Variants in USP42 observed in about 807,000 individuals in gnomAD.
USP42 encodes ubiquitin specific peptidase 42.
A neutral mutation model predicts 113.0 loss-of-function variants in USP42; 23 were observed. The observed-to-expected ratio is 0.20, with a 90% CI of 0.15 to 0.29. The LOEUF is 0.29. USP42 is among the 10% of genes least tolerant of loss of function. The pLI is 1.00. For synonymous variants in USP42, 933 were observed against 699.0 expected (o/e 1.33, Z -5.28); for missense variants, 2,174 against 1,779.8 (o/e 1.22, Z -3.99).
chr7:6,111,696 G>A (rs1017239713), intron 2 of USP42: 11 of 178,826 alleles, frequency 6.2e-5, no homozygotes, highest in Non-Finnish European at 1.2e-4. Flanking sequence ...TCTGCCTCCC[G>A]GGTTCAGGAC....
chr7:6,087,765 G>A, the USP42 span, among the ~76,000 whole-genome samples: 319 of 150,858 alleles, frequency 2.1e-3, 17 homozygotes, highest in African/African-American at 7.4e-3. Flanking sequence ...TTTTATTCTC[G>A]TTTTTGCATA....
intron 2 of USP42, among the ~76,000 whole-genome samples, chr7:6,113,707 C>T (rs1277779612): frequency 1.3e-5 from 2 of 152,116 alleles, no homozygotes; most frequent in South Asian, 2.1e-4. Context: ...CTGCAACCTC[C>T]GCCTCCCGGG....
the USP42 span, among the ~76,000 whole-genome samples, chr7:6,086,947 C>T: frequency 6.7e-6 from 1 of 149,198 alleles, no homozygotes; most frequent in East Asian, 2.0e-4. Context: ...AGGCTTGTCT[C>T]GAACTCCTGA....
intron 3 of USP42, among the ~76,000 whole-genome samples, chr7:6,135,108 C>A (rs760814900): frequency 6.6e-6 from 1 of 152,110 alleles, no homozygotes; most frequent in Non-Finnish European, 1.5e-5. Flanking sequence ...GATGTCTCAT[C>A]CCTGCTGTGG....
rs961083620 is a variant in USP42, at chr7:6,154,453, A to G, written c.2899A>G (p.Arg967Gly). 6 of 1,564,922 alleles carry G rather than the reference A, an allele frequency of 3.8e-6. No homozygotes were observed. The highest frequency in any genetic ancestry group is 5.2e-6 in the Non-Finnish European group (6 of 1,156,190). ...RERSSSGEPA[R>G]ESRSKTEGHR... is the part of the protein sequence containing the mutation. ...GCGCTCGTCCAGCGGGGAGCCCGCCAGAGAGAGCAGGAGCAAGACTGAGGG... is the reference window on the plus strand; with the variant it reads ...GCGCTCGTCCAGCGGGGAGCCCGCCGGAGAGAGCAGGAGCAAGACTGAGGG... The change falls in exon 15 of 18, where the codon AGA becomes GGA. Residue 967 changes from arginine (R) to glycine (G), a missense_variant. Physicochemically the swap from Arg to Gly is moderately radical, Grantham distance 125. Transcript: ENST00000306177.
intron 3 of USP42, among the ~76,000 whole-genome samples, chr7:6,123,697 A>T (rs1780363589): frequency 6.6e-6 from 1 of 151,690 alleles, no homozygotes; most frequent in Non-Finnish European, 1.5e-5. Flanking sequence ...AATATTAAAA[A>T]ATTAGCTAGG....
chr7:6,151,062 A>G (rs764381276), intron 14 of USP42, among the ~76,000 whole-genome samples: 3 of 152,214 alleles, frequency 2.0e-5, no homozygotes, highest in Non-Finnish European at 4.4e-5. Flanking sequence ...GGCAGCTGTA[A>G]TACAGTGGTA....
upstream of USP42, among the ~76,000 whole-genome samples, chr7:6,101,891 C>T: frequency 6.9e-6 from 1 of 145,292 alleles, no homozygotes; most frequent in South Asian, 2.1e-4. Flanking sequence ...CCAGCCTGAC[C>T]AACATGGTGA....
chr7:6,153,237 C>G (rs776633485), intron 14 of USP42, among the ~76,000 whole-genome samples: 1 of 151,440 alleles, frequency 6.6e-6, no homozygotes, highest in Non-Finnish European at 1.5e-5. Context: ...CACACCACTG[C>G]GCTCCAGCCT....
At chr7:6,081,484 G>A in the USP42 span, among the ~76,000 whole-genome samples, 2 of 152,300 alleles carry the variant, frequency 1.3e-5, no homozygotes, top group Admixed American at 6.5e-5. Context: ...CTTGCCCACA[G>A]CCATTGCCGT....
intron 3 of USP42, chr7:6,116,899 G>A (rs747907633): frequency 5.8e-6 from 3 of 516,430 alleles, no homozygotes; most frequent in Non-Finnish European, 1.2e-5. Flanking sequence ...CAAGAGAGAG[G>A]ACCAAGACAA....
At chr7:6,120,391 C>T (rs992971775) in intron 3 of USP42, among the ~76,000 whole-genome samples, 1 of 152,110 alleles carries the variant, frequency 6.6e-6, no homozygotes, top group African/African-American at 2.4e-5. Flanking sequence ...TACAGGCACG[C>T]ACCATCACTT....
intron 4 of USP42, among the ~76,000 whole-genome samples, chr7:6,137,593 G>A (rs1781215720): frequency 6.6e-6 from 1 of 151,840 alleles, no homozygotes; most frequent in Non-Finnish European, 1.5e-5. Context: ...CCTGACCTCA[G>A]GTGATCCACC....
At chr7:6,155,641 A>G (rs1489864577) in intron 15 of USP42, among the ~76,000 whole-genome samples, 1 of 152,102 alleles carries the variant, frequency 6.6e-6, no homozygotes, top group Admixed American at 6.5e-5. Flanking sequence ...AACAGGAGGC[A>G]CACTTTTCCT....
chr7:6,085,013 C>G, the USP42 span: 1 of 151,290 alleles, frequency 6.6e-6, no homozygotes, highest in African/African-American at 2.5e-5. Flanking sequence ...GCCACCGCAC[C>G]CAGCCAAGGA....
At chr7:6,138,624 A>G (rs144429717) in intron 4 of USP42, among the ~76,000 whole-genome samples, 1,639 of 152,308 alleles carry the variant, frequency 0.011, 15 homozygotes, top group Non-Finnish European at 0.019. Context: ...CTGGTACCCA[A>G]TGTGGCCTGT....
At chr7:6,098,217 C>G in the USP42 span, among the ~76,000 whole-genome samples, 2 of 150,006 alleles carry the variant, frequency 1.3e-5, no homozygotes, top group African/African-American at 2.5e-5. Flanking sequence ...TAGCTTATTT[C>G]TATTGTCAAA....
Position 6,124,821 on chromosome 7 carries a change from A to C in USP42, c.442+9298A>C, listed in dbSNP as rs189609821. ...AATCTGCTTCATTGGCATATTTTTG[A>C]TATTTTTTTTCATGGTGGTTACTTT... On this transcript the variant is annotated intron_variant, in intron 3 of 17. Coordinates refer to ENST00000306177, the MANE Select transcript of USP42 (RefSeq NM_032172.3). 4.0e-4 allele frequency among the ~76,000 whole-genome samples: 61 copies of C among 150,990 alleles called. 1 individual carries two copies. Among genetic ancestry groups the C allele is most frequent in the African/African-American group, 1.4e-3 (59 of 41,052 alleles).
Position 6,152,599 on chromosome 7 carries a change from A to C in USP42, c.2202-1157A>C, listed in dbSNP as rs905877546. Among the ~76,000 whole-genome samples the C allele has an allele frequency of 2.6e-5, 4 of 152,290 alleles. No individual in the cohort carries two copies. In the East Asian group the frequency reaches 7.7e-4, roughly 29 times the overall value. On this transcript the variant is annotated intron_variant, in intron 14 of 17. Transcript: ENST00000306177. ...CTGTGGGCAGGGAACACTCATTCCC[A>C]ACCTAAGGATAGGCCAGCTTGGACA... is the stretch of plus-strand genomic sequence containing the variant.
Sources: allele counts gnomAD v4.1 joint callset (sites outside exome capture counted in the v4.1 genomes callset), GRCh38; gene constraint gnomAD v4.1.1; transcripts MANE v1.5; gene names NCBI Gene and HGNC (gene_info 2026-07-23, HGNC 2026-07-21).